The following DLGAP1 variants were observed in gnomAD, a reference collection of about 807,000 sequenced individuals.
DLGAP1 encodes the protein DLG associated protein 1, also known as disks large-associated protein 1.
In DLGAP1, 11 loss-of-function variants were observed where a neutral mutation model predicts 90.8. The observed-to-expected ratio is 0.12, with a 90% confidence interval of 0.08 to 0.20. DLGAP1 has a LOEUF of 0.20. Among genes scored for constraint, DLGAP1 ranks in the 10% least tolerant of loss-of-function variants. DLGAP1 has a pLI of 1.00. For missense variants in DLGAP1, 1,050 were observed against 1,333.8 expected (o/e 0.79, Z 3.31); for synonymous variants, 558 against 540.7 (o/e 1.03, Z -0.44).
chr18:3,660,543 G>A lies in DLGAP1; in HGVS notation c.1591+68592C>T, dbSNP rs992542191. Among the ~76,000 whole-genome samples, 2 of 152,202 alleles carry A rather than the reference G, an allele frequency of 1.3e-5. No homozygotes were observed. The highest frequency in any genetic ancestry group is 6.5e-5 in the Admixed American group (1 of 15,280). ...GGTGATCATTCCCGAGTATCCTCAAGGAGGATCTTATCAATCCCAGCAAAT... is the reference window on the plus strand; with the variant it reads ...GGTGATCATTCCCGAGTATCCTCAAAGAGGATCTTATCAATCCCAGCAAAT... On this transcript the variant is annotated intron_variant, in intron 7 of 12. Coordinates refer to ENST00000315677, the MANE Select transcript of DLGAP1 (RefSeq NM_004746.4). This position sits in a 1 kb window ranked among gnomAD's most constrained non-coding sequence, Gnocchi z 4.2.
intron 3 of DLGAP1, among the ~76,000 whole-genome samples, chr18:3,969,569 G>A (rs67528633): frequency 0.041 from 6,305 of 152,218 alleles, 190 homozygotes; most frequent in Middle Eastern, 0.13. Flanking sequence ...GAAAAAAGTA[G>A]AAGTACCTGT....
At chr18:3,717,040 T>A (rs1311556506) in intron 7 of DLGAP1, among the ~76,000 whole-genome samples, 1 of 63,988 alleles carries the variant, frequency 1.6e-5, no homozygotes, top group Non-Finnish European at 2.8e-5. Context: ...TGAGTTTGCC[T>A]TTTTTTTTTT....
chr18:3,808,471 T>G (rs1175016834), intron 5 of DLGAP1, among the ~76,000 whole-genome samples: 2 of 152,160 alleles, frequency 1.3e-5, no homozygotes, highest in Non-Finnish European at 2.9e-5. Context: ...GTGTGGCAGG[T>G]TGTATTTTCT....
At chr18:4,360,083 G>A (rs2081599863) in intron 1 of DLGAP1, among the ~76,000 whole-genome samples, 2 of 152,068 alleles carry the variant, frequency 1.3e-5, no homozygotes, top group Admixed American at 6.6e-5. Context: ...AGAGAGGTCT[G>A]GAAAAATAAT....
intron 2 of DLGAP1, among the ~76,000 whole-genome samples, chr18:4,108,464 A>AG (rs1426143303): frequency 2.0e-5 from 3 of 152,058 alleles, no homozygotes; most frequent in African/African-American, 7.2e-5. Context: ...CTTTTGTTAT[A>AG]GGGGTCTCAG....
intron 1 of DLGAP1, among the ~76,000 whole-genome samples, chr18:4,453,697 A>G (rs2083892296): frequency 6.6e-6 from 1 of 152,204 alleles, no homozygotes; most frequent in African/African-American, 2.4e-5. Flanking sequence ...CCATTCACGA[A>G]GACCACAAAA....
At chr18:4,199,300 A>G (rs908881135) in intron 1 of DLGAP1, among the ~76,000 whole-genome samples, 1 of 152,226 alleles carries the variant, frequency 6.6e-6, no homozygotes, top group Non-Finnish European at 1.5e-5. Flanking sequence ...CGTGGCGTAA[A>G]GAAAGAGTGA....
chr18:3,848,010 C>A (rs1040559343), intron 4 of DLGAP1, among the ~76,000 whole-genome samples: 4 of 151,412 alleles, frequency 2.6e-5, no homozygotes, highest in African/African-American at 9.7e-5. Flanking sequence ...TGCAAGTAGT[C>A]CCAGCTGATT....
At chr18:3,793,690 C>T (rs535319741) in intron 5 of DLGAP1, among the ~76,000 whole-genome samples, 1 of 152,238 alleles carries the variant, frequency 6.6e-6, no homozygotes, top group South Asian at 2.1e-4. Flanking sequence ...TGTGGCCACC[C>T]CTGCTCTCCT....
chr18:4,122,275 C>G lies in DLGAP1; in HGVS notation c.-159+28905G>C, dbSNP rs561418174. On this transcript the variant is annotated intron_variant, in intron 2 of 12. Coordinates refer to ENST00000315677, the MANE Select transcript of DLGAP1 (RefSeq NM_004746.4). Reference sequence around the variant, plus strand: ...AGGGGAAAAATATTAAACCAAAAAGCAAATGCATGGTTACAGTTCAGTCAT... The same window carrying G: ...AGGGGAAAAATATTAAACCAAAAAGGAAATGCATGGTTACAGTTCAGTCAT... Among the ~76,000 whole-genome samples the G allele has an allele frequency of 7.2e-5, 11 of 152,268 alleles. No homozygotes were observed. The South Asian group carries it at 2.3e-3, about 32-fold the overall frequency.
chr18:4,062,601 A>G (rs2075314540), intron 2 of DLGAP1, among the ~76,000 whole-genome samples: 1 of 152,212 alleles, frequency 6.6e-6, no homozygotes, highest in Non-Finnish European at 1.5e-5. Flanking sequence ...CAATTTAAAA[A>G]GAAACTTATA....
chr18:3,741,029 CCACCACCATCACCT>C (rs2062915558), intron 6 of DLGAP1, among the ~76,000 whole-genome samples: 1 of 88,770 alleles, frequency 1.1e-5, no homozygotes, highest in Non-Finnish European at 2.2e-5. Flanking sequence ...ACCACCACCA[CCACCACCATCACCT>C]CACCACCACC....
At chr18:3,691,384 G>A (rs530474237) in intron 7 of DLGAP1, among the ~76,000 whole-genome samples, 4 of 149,852 alleles carry the variant, frequency 2.7e-5, no homozygotes, top group Admixed American at 6.7e-5. Context: ...GCTACATCGC[G>A]CCACTGCATT....
chr18:4,204,506 TG>T (rs1290734113), intron 1 of DLGAP1, among the ~76,000 whole-genome samples: 1 of 139,470 alleles, frequency 7.2e-6, no homozygotes, highest in African/African-American at 2.9e-5. Context: ...AGGACTGTTG[TG>T]GTTTTTTTTT....
intron 1 of DLGAP1, among the ~76,000 whole-genome samples, chr18:4,410,263 C>T (rs923456486): frequency 1.3e-5 from 2 of 152,082 alleles, no homozygotes; most frequent in African/African-American, 4.8e-5. Context: ...AGAACTCACT[C>T]ATGTAACCAA....
chr18:3,874,543 C>A, intron 4 of DLGAP1: 1 of 1,465,156 alleles, frequency 6.8e-7, no homozygotes, highest in Non-Finnish European at 9.0e-7. Flanking sequence ...AACAAAACAA[C>A]AACAAAAACC....
chr18:4,176,577 T>A (rs1461784948), intron 1 of DLGAP1, among the ~76,000 whole-genome samples: 2 of 152,180 alleles, frequency 1.3e-5, no homozygotes, highest in African/African-American at 4.8e-5. Flanking sequence ...TTTCTTATAA[T>A]CTCCTGCAAC....
intron 3 of DLGAP1, among the ~76,000 whole-genome samples, chr18:3,946,479 G>A (rs550054423): frequency 2.6e-5 from 4 of 152,244 alleles, no homozygotes; most frequent in Admixed American, 2.6e-4. Flanking sequence ...AAGAAGTTAA[G>A]TCATTTTCCA....
intron 3 of DLGAP1, among the ~76,000 whole-genome samples, chr18:3,897,445 C>A (rs2071654879): frequency 1.3e-5 from 2 of 152,116 alleles, no homozygotes; most frequent in African/African-American, 4.8e-5. Flanking sequence ...TACTAAATGA[C>A]AGGTACAGTT....
Sources: allele counts gnomAD v4.1 joint callset (sites outside exome capture counted in the v4.1 genomes callset), GRCh38; gene constraint gnomAD v4.1.1; non-coding constraint Gnocchi (gnomAD v3.1); transcripts MANE v1.5; gene names NCBI Gene and HGNC (gene_info 2026-07-23, HGNC 2026-07-21).